The following MEF2A variants were observed in gnomAD, a reference collection of about 807,000 sequenced individuals.
MEF2A encodes myocyte enhancer factor 2A.
A neutral mutation model predicts 55.8 loss-of-function variants in MEF2A; 28 were observed. The observed-to-expected ratio is 0.50, with a 90% CI of 0.37 to 0.69. MEF2A has a LOEUF of 0.69. Among genes scored for constraint, MEF2A ranks in the 30% least tolerant of loss-of-function variants. The pLI is 0.00. For missense variants in MEF2A, 528 were observed against 626.2 expected, an observed-to-expected ratio of 0.84 and a Z score of 1.67; for synonymous variants, 239 against 227.1, an observed-to-expected ratio of 1.05 and a Z score of -0.47.
intron 2 of MEF2A, among the ~76,000 whole-genome samples, chr15:99,617,830 G>T (rs2040462990): frequency 6.6e-6 from 1 of 152,184 alleles, no homozygotes; most frequent in Non-Finnish European, 1.5e-5. Flanking sequence ...AGAAGCAGTA[G>T]TCATAGGCTT....
intron 2 of MEF2A, among the ~76,000 whole-genome samples, chr15:99,598,727 T>C (rs1972047401): frequency 6.6e-6 from 1 of 152,176 alleles, no homozygotes; most frequent in African/African-American, 2.4e-5. Context: ...CTGACGCTGC[T>C]GAAATCATCT....
At chr15:99,676,254 TTAAA>T (rs2052000907) in intron 7 of MEF2A, among the ~76,000 whole-genome samples, 1 of 152,142 alleles carries the variant, frequency 6.6e-6, no homozygotes, top group Admixed American at 6.5e-5. Context: ...CAGAAAACAA[TTAAA>T]TGTGGGAAAA....
chr15:99,659,425 C>G (rs1027800100), intron 4 of MEF2A, among the ~76,000 whole-genome samples: 1 of 152,090 alleles, frequency 6.6e-6, no homozygotes, highest in African/African-American at 2.4e-5. Flanking sequence ...GTGATAAGAT[C>G]ATGGAGGAAC....
At chr15:99,648,914 A>G (rs887893441) in intron 4 of MEF2A, among the ~76,000 whole-genome samples, 7 of 152,310 alleles carry the variant, frequency 4.6e-5, no homozygotes, top group African/African-American at 1.4e-4. Flanking sequence ...TAAGATTAAT[A>G]TAATGTATTA....
chr15:99,628,302 A>G (rs1672408169), intron 2 of MEF2A, among the ~76,000 whole-genome samples: 1 of 152,058 alleles, frequency 6.6e-6, no homozygotes, highest in African/African-American at 2.4e-5. Flanking sequence ...TGTGTCTTTC[A>G]CTATGCTTTT....
At chr15:99,678,410 T>G (rs1360977006) in intron 7 of MEF2A, among the ~76,000 whole-genome samples, 2 of 152,242 alleles carry the variant, frequency 1.3e-5, no homozygotes, top group African/African-American at 2.4e-5. Flanking sequence ...AAATTCTACT[T>G]GTTTTAAATA....
chr15:99,581,155 A>G (rs1479743889), intron 1 of MEF2A, among the ~76,000 whole-genome samples: 1 of 152,138 alleles, frequency 6.6e-6, no homozygotes, highest in Non-Finnish European at 1.5e-5. Context: ...TAGAGTTAGT[A>G]AGTAGTCTGT....
At chr15:99,587,655 C>T (rs1967788019) in intron 1 of MEF2A, among the ~76,000 whole-genome samples, 1 of 152,068 alleles carries the variant, frequency 6.6e-6, no homozygotes, top group Non-Finnish European at 1.5e-5. Flanking sequence ...GTTAGTCTTG[C>T]ACATGTTGTT....
At position 99,594,304 on chromosome 15, in the gene MEF2A, G is replaced by GA. The variant is rs138246078; in HGVS notation, c.-224-4124dup. Among the ~76,000 whole-genome samples, 63 of 152,268 alleles carry GA rather than the reference G, an allele frequency of 4.1e-4. 4 individuals carry two copies. The East Asian group carries it at 8.3e-3, about 20-fold the overall frequency. On this transcript the variant is annotated intron_variant, in intron 1 of 11. Coordinates refer to ENST00000557942, the MANE Select transcript of MEF2A (RefSeq NM_001319206.4). ...TTACTTATGTTTACCCATTTATCATGAAGGATATAGATGAATGACCAGATG... is the reference window on the plus strand; with the variant it reads ...TTACTTATGTTTACCCATTTATCATGAAAGGATATAGATGAATGACCAGATG...
intron 2 of MEF2A, among the ~76,000 whole-genome samples, chr15:99,619,148 C>G (rs140733843): frequency 6.6e-6 from 1 of 152,128 alleles, no homozygotes; most frequent in Admixed American, 6.5e-5. Context: ...AGTCAACGCT[C>G]CTTTGGCAGC....
chr15:99,629,531 G>A (rs946797060), intron 2 of MEF2A, among the ~76,000 whole-genome samples: 2 of 152,164 alleles, frequency 1.3e-5, no homozygotes, highest in Admixed American at 1.3e-4. Flanking sequence ...GAGGAAAGGG[G>A]AAGGGGTGTC....
intron 7 of MEF2A, among the ~76,000 whole-genome samples, chr15:99,681,272 A>G (rs916607210): frequency 2.0e-5 from 3 of 152,224 alleles, no homozygotes; most frequent in Non-Finnish European, 4.4e-5. Flanking sequence ...GCACATTGGC[A>G]GTTAAAAAGA....
chr15:99,626,171 T>A (rs1156671747), intron 2 of MEF2A, among the ~76,000 whole-genome samples: 4 of 152,176 alleles, frequency 2.6e-5, no homozygotes, highest in African/African-American at 7.2e-5. Context: ...TTCTTTGCAA[T>A]TCAGTCTTGG....
intron 2 of MEF2A, among the ~76,000 whole-genome samples, chr15:99,626,011 A>G (rs2041988195): frequency 6.6e-6 from 1 of 152,118 alleles, no homozygotes; most frequent in African/African-American, 2.4e-5. Context: ...GTTTTTTGGA[A>G]GAGTTTGAGG....
At position 99,574,138 on chromosome 15, in the gene MEF2A, TC is replaced by T. The variant is rs371343071; in HGVS notation, c.-225+8035del. 4.5e-3 allele frequency among the ~76,000 whole-genome samples: 686 copies of T among 152,298 alleles called. 6 individuals are homozygous for T. The highest frequency in any genetic ancestry group is 0.016 in the African/African-American group (647 of 41,558). On this transcript the variant is annotated intron_variant, in intron 1 of 11. Coordinates refer to ENST00000557942, the MANE Select transcript of MEF2A (RefSeq NM_001319206.4). ...ACTCCCATTTATATCTGCCGCAGAT[TC>T]ACCAGTTGTTACCATGTACCACATT...
intron 2 of MEF2A, among the ~76,000 whole-genome samples, chr15:99,618,664 A>G (rs563337774): frequency 2.6e-5 from 4 of 152,340 alleles, no homozygotes; most frequent in Non-Finnish European, 4.4e-5. Flanking sequence ...ATCTATGTTT[A>G]TATAGATGTG....
rs116212470 is a variant in MEF2A at position 99,580,443 on chromosome 15, G to A, written c.-225+14339G>A. 9.5e-3 allele frequency among the ~76,000 whole-genome samples: 1,447 copies of A among 152,246 alleles called. 24 individuals carry two copies. The highest frequency in any genetic ancestry group is 0.033 in the African/African-American group (1,359 of 41,534). On this transcript the variant is annotated intron_variant, in intron 1 of 11. Coordinates refer to ENST00000557942, the MANE Select transcript of MEF2A (RefSeq NM_001319206.4). ...GAAAACCCATTGACTTATCCTGCCC[G>A]TGCTAATAAAGCTTTTAGTTATGAA...
rs3138597 is a variant in MEF2A at position 99,712,504 on chromosome 15, C to CCAGCAG, written c.1280_1285dup (p.Gln427_Gln428dup). On this transcript the variant is annotated inframe_insertion, in exon 12 of 12. Coordinates refer to ENST00000557942, the MANE Select transcript of MEF2A (RefSeq NM_001319206.4). This position sits in a 1 kb window ranked among gnomAD's most constrained non-coding sequence, Gnocchi z 4.1. ...GGGATCGTATGACCCCATCGGGCTT[C>CCAGCAG]CAGCAGCAGCAGCAGCAGCAGCAGC... 5.5e-3 allele frequency: 8,479 copies of CCAGCAG among 1,531,486 alleles called. 222 individuals are homozygous for CCAGCAG. The African/African-American group carries it at 0.092, about 17-fold the overall frequency. 94.9% of individuals were successfully genotyped at this position (1,531,486 alleles called of 1,614,324 possible). A position where few individuals can be genotyped will look rare whatever the true frequency, so the allele number is the denominator to read the frequency against.
chr15:99,652,417 G>A (rs2153521134), intron 4 of MEF2A, among the ~76,000 whole-genome samples: 1 of 152,306 alleles, frequency 6.6e-6, no homozygotes, highest in South Asian at 2.1e-4. Flanking sequence ...ACTTCCTGCT[G>A]TGCAACCTGG....
Sources: gnomAD v4.1 joint callset for allele counts (sites outside exome capture counted in the v4.1 genomes callset) on GRCh38, gnomAD v4.1.1 for gene constraint, Gnocchi (gnomAD v3.1) non-coding constraint, MANE v1.5 for transcripts, NCBI Gene and HGNC (gene_info 2026-07-23, HGNC 2026-07-21) for gene names.